DCLK2: variants seen among roughly 807,000 people sequenced by gnomAD.
DCLK2 encodes serine/threonine-protein kinase DCLK2.
A neutral mutation model predicts 78.4 loss-of-function variants in DCLK2; 31 were observed. That is an observed-to-expected ratio of 0.40 (90% confidence interval 0.30 to 0.53). DCLK2 has a LOEUF of 0.53. DCLK2 is among the 20% of genes least tolerant of loss of function. The pLI, the probability that DCLK2 is intolerant of heterozygous loss-of-function variation, is 0.61. For synonymous variants in DCLK2, 407 were observed against 374.9 expected (o/e 1.09, Z -0.99); for missense variants, 872 against 973.7 (o/e 0.90, Z 1.39).
chr4:150,125,646 C>G (rs901219018), intron 2 of DCLK2, among the ~76,000 whole-genome samples: 1 of 152,244 alleles, frequency 6.6e-6, no homozygotes, highest in African/African-American at 2.4e-5. Flanking sequence ...TCCGAGCACT[C>G]TGGGAGGCTG....
At chr4:150,247,783 T>C in intron 13 of DCLK2, 84 bp downstream of exon 13, 2 of 1,063,328 alleles carry the variant, frequency 1.9e-6, no homozygotes, top group Non-Finnish European at 2.8e-6. Context: ...CGCTAGGTAT[T>C]GCATTCCAGA....
In DCLK2 at chr4:150,203,784, CT is replaced by C; in HGVS notation, c.962-10del. The C allele has an allele frequency of 6.2e-7, 1 of 1,609,084 alleles. No homozygotes were observed. The highest frequency in any genetic ancestry group is 1.3e-5 in the African/African-American group (1 of 74,890). ...ATGGGACTTCTGTCTTCTTTGTTGT[CT>C]CATGGGCAGTTAATGGAACTCCCAG... On this transcript the variant is annotated splice_polypyrimidine_tract_variant and intron_variant, in intron 4 of 15. Coordinates refer to ENST00000296550, the MANE Select transcript of DCLK2 (RefSeq NM_001040260.4).
intron 2 of DCLK2, among the ~76,000 whole-genome samples, chr4:150,153,324 G>T (rs1254187429): frequency 6.6e-6 from 1 of 152,142 alleles, no homozygotes; most frequent in Non-Finnish European, 1.5e-5. Context: ...TGCTTGATAT[G>T]ATCTGATAGC....
intron 1 of DCLK2, among the ~76,000 whole-genome samples, chr4:150,095,798 G>T (rs68167852): frequency 6.6e-6 from 1 of 152,166 alleles, no homozygotes; most frequent in African/African-American, 2.4e-5. Context: ...TGCCAGAGGT[G>T]CTTAATCTTG....
At chr4:150,172,637 A>G (rs1028197660) in intron 2 of DCLK2, among the ~76,000 whole-genome samples, 21 of 148,796 alleles carry the variant, frequency 1.4e-4, no homozygotes, top group Non-Finnish European at 2.4e-4. Context: ...AAAGAAATCC[A>G]TAGATCATGG....
intron 12 of DCLK2, among the ~76,000 whole-genome samples, chr4:150,242,326 T>C (rs1742987093): frequency 6.6e-6 from 1 of 152,194 alleles, no homozygotes; most frequent in Non-Finnish European, 1.5e-5. Context: ...GTGAGACCTT[T>C]GTGGTATTAG....
chr4:150,157,901 T>G (rs1735431051), intron 2 of DCLK2, among the ~76,000 whole-genome samples: 1 of 152,164 alleles, frequency 6.6e-6, no homozygotes, highest in African/African-American at 2.4e-5. Flanking sequence ...AGTGCTGGGA[T>G]TATAGGCATG....
intron 2 of DCLK2, among the ~76,000 whole-genome samples, chr4:150,183,962 G>A (rs1312067916): frequency 6.6e-6 from 1 of 151,906 alleles, no homozygotes; most frequent in Non-Finnish European, 1.5e-5. Context: ...TCGAACTCCT[G>A]ACCCCAAGTG....
intron 15 of DCLK2, 55 bp downstream of exon 15, chr4:150,249,739 G>C: frequency 7.0e-7 from 1 of 1,423,262 alleles, no homozygotes; most frequent in South Asian, 1.1e-5. Context: ...TGAAGTTTTT[G>C]AATTAGGTAG....
At chr4:150,243,648 C>A (rs934687997) in intron 12 of DCLK2, among the ~76,000 whole-genome samples, 2 of 152,028 alleles carry the variant, frequency 1.3e-5, no homozygotes, top group African/African-American at 4.8e-5. Context: ...GCTTCTCTGA[C>A]GATAGCATCT....
At chr4:150,132,809 G>T (rs1005747969) in intron 2 of DCLK2, among the ~76,000 whole-genome samples, 2 of 152,070 alleles carry the variant, frequency 1.3e-5, no homozygotes, top group Non-Finnish European at 2.9e-5. Flanking sequence ...TTTACTTTTT[G>T]TAGAGACGGG....
intron 1 of DCLK2, among the ~76,000 whole-genome samples, chr4:150,085,456 C>T (rs1729573838): frequency 6.6e-6 from 1 of 152,114 alleles, no homozygotes; most frequent in African/African-American, 2.4e-5. Flanking sequence ...GCTAAATTCC[C>T]TCCTTTTATA....
chr4:150,214,065 A>G (rs75762599), intron 5 of DCLK2, among the ~76,000 whole-genome samples: 3,119 of 152,350 alleles, frequency 0.02, 108 homozygotes, highest in African/African-American at 0.071. Context: ...GGTACAAAGT[A>G]GGATTCAGTA....
At chr4:150,240,163 A>G (rs773272725) in intron 11 of DCLK2, among the ~76,000 whole-genome samples, 18 of 152,196 alleles carry the variant, frequency 1.2e-4, no homozygotes, top group Non-Finnish European at 2.2e-4. Context: ...CCTGGCCTGG[A>G]CTTGTGTTCT....
chr4:150,094,937 G>T, intron 1 of DCLK2, among the ~76,000 whole-genome samples: 1 of 152,168 alleles, frequency 6.6e-6, no homozygotes, highest in East Asian at 1.9e-4. Flanking sequence ...GATTGGCTTA[G>T]TTGAACTGGG....
intron 1 of DCLK2, among the ~76,000 whole-genome samples, chr4:150,082,388 A>C (rs1386805403): frequency 6.6e-6 from 1 of 152,224 alleles, no homozygotes; most frequent in Non-Finnish European, 1.5e-5. Flanking sequence ...GGATATGAAC[A>C]TTCATTCAGA....
chr4:150,198,921 C>CA (rs1553967931), intron 4 of DCLK2: 3 of 605,864 alleles, frequency 5.0e-6, no homozygotes, highest in African/African-American at 1.8e-5. Context: ...CCCCCCCCCC[C>CA]ACTTTCTGTA....
rs1169749079 is a variant in DCLK2, at chr4:150,193,229, T to C, written c.848T>C (p.Leu283Pro). ...KFRYAQDDFV[L>P]DHSECRVLKS... ...CGTTATGCCCAAGATGACTTTGTCC[T>C]GGATCATAGTGGTAAGGCAATTCTT... Residue 283 changes from leucine to proline, a missense_variant, in exon 3 of 16, where the codon CTG (leucine) becomes CCG (proline). Physicochemically the swap from Leu to Pro is moderately conservative, Grantham distance 98 (BLOSUM62 -3). Transcript: ENST00000296550. 1 of 1,599,750 alleles carries C rather than the reference T, an allele frequency of 6.3e-7. No homozygotes were observed. The highest frequency in any genetic ancestry group is 8.6e-7 in the Non-Finnish European group (1 of 1,168,768).
At chr4:150,247,776 T>G in intron 13 of DCLK2, 77 bp downstream of exon 13, 2 of 1,155,084 alleles carry the variant, frequency 1.7e-6, no homozygotes, top group Non-Finnish European at 2.6e-6. Context: ...GTAGCTGCGC[T>G]AGGTATTGCA....
Sources: allele counts gnomAD v4.1 joint callset (sites outside exome capture counted in the v4.1 genomes callset), GRCh38; gene constraint gnomAD v4.1.1; transcripts MANE v1.5; gene names NCBI Gene and HGNC (gene_info 2026-07-23, HGNC 2026-07-21).